MAJIN: variants seen among roughly 807,000 people sequenced by gnomAD.
MAJIN encodes the protein membrane anchored junction protein, also known as membrane-anchored junction protein.
MAJIN carries 27 observed loss-of-function variants against 30.2 expected under a neutral mutation model. The ratio of observed to expected loss-of-function variants is 0.89; its 90% CI spans 0.66 to 1.23. The LOEUF is 1.23. Among genes scored for constraint, MAJIN ranks in the 50% most tolerant of loss-of-function variants. The pLI, the probability that MAJIN is intolerant of heterozygous loss-of-function variation, is 0.00. For missense variants in MAJIN, 253 were observed against 260.3 expected (o/e 0.97, Z 0.19); for synonymous variants, 78 against 91.6 (o/e 0.85, Z 0.85).
At chr11:64,944,942 T>C (rs1590691309) in intron 8 of MAJIN, among the ~76,000 whole-genome samples, 1 of 152,164 alleles carries the variant, frequency 6.6e-6, no homozygotes, top group East Asian at 1.9e-4. Context: ...TATATGAATA[T>C]CTAAATGGGA....
chr11:64,954,140 A>T (rs1258113466), intron 4 of MAJIN: 1 of 157,590 alleles, frequency 6.3e-6, no homozygotes, highest in East Asian at 1.9e-4. Flanking sequence ...GCCAACGGTC[A>T]CACAGCTAAG....
intron 1 of MAJIN, among the ~76,000 whole-genome samples, chr11:64,961,452 C>T (rs1052732636): frequency 6.7e-6 from 1 of 149,020 alleles, no homozygotes; most frequent in African/African-American, 2.5e-5. Flanking sequence ...CAGGCATGAC[C>T]CACTGTGCCC....
intron 6 of MAJIN, among the ~76,000 whole-genome samples, chr11:64,948,925 A>G (rs1590695003): frequency 6.8e-6 from 1 of 147,816 alleles, no homozygotes; most frequent in South Asian, 2.3e-4. Flanking sequence ...AAGTACTGGG[A>G]TTACAGGCAT....
intron 3 of MAJIN, among the ~76,000 whole-genome samples, chr11:64,956,444 G>A (rs1282140265): frequency 6.6e-6 from 1 of 152,014 alleles, no homozygotes; most frequent in Non-Finnish European, 1.5e-5. Flanking sequence ...AGCCAAGATC[G>A]CACCATTGCA....
At chr11:64,954,249 T>C (rs1945597558) in intron 4 of MAJIN, 1 of 235,436 alleles carries the variant, frequency 4.2e-6, no homozygotes, top group Admixed American at 5.2e-5. Flanking sequence ...ACCTGCTCAG[T>C]CTTCTTCTGT....
At chr11:64,950,468 G>T in intron 4 of MAJIN, 38 bp from the exon 5 acceptor site, 1 of 1,559,234 alleles carries the variant, frequency 6.4e-7, no homozygotes, top group Non-Finnish European at 8.8e-7. Context: ...ACACTGTTGA[G>T]TCTCAGCCAG....
Position 64,949,847 on chromosome 11 carries a change from A to T in MAJIN, c.245T>A (p.Val82Asp). 6.2e-7 allele frequency: 1 copy of T among 1,605,710 alleles called. No homozygotes were observed. Among genetic ancestry groups the T allele is most frequent in the South Asian group, 1.1e-5 (1 of 91,064 alleles). ...VFPYKSKWER[V>D]SHLKFKHGEI... ...CCCATGTTTGAATTTCAGGTGGGAA[A>T]CTCTCTCCCATTTGCTTTTATCTGG... The change falls in exon 6 of 11, where the codon GTT becomes GAT. Residue 82 changes from valine (V) to aspartate (D), a missense_variant. Transcript: ENST00000301896.
chr11:64,970,062 G>A (rs1331821211), intron 1 of MAJIN, among the ~76,000 whole-genome samples: 4 of 152,006 alleles, frequency 2.6e-5, no homozygotes, highest in Non-Finnish European at 5.9e-5. Flanking sequence ...AGGAACTAGA[G>A]TTCAAAAAAG....
rs1208740100 is a variant in MAJIN, at chr11:64,950,319, G to A, written c.223+36C>T. 5.2e-6 allele frequency: 7 copies of A among 1,351,628 alleles called. No homozygotes were observed. In the South Asian group the frequency reaches 7.6e-5, roughly 15 times the overall value. The allele number at this position is 1,351,628 out of a possible 1,614,324, so 83.7% of individuals were successfully genotyped here. ...CACTCCAGCCTGGGTGACAGAGCAA[G>A]ACTCCATCTCAAAAAAAAAAAAAAA... On this transcript the variant is annotated intron_variant, in intron 5 of 10. Transcript: ENST00000301896.
intron 8 of MAJIN, among the ~76,000 whole-genome samples, chr11:64,943,206 CA>C (rs1945404366): frequency 6.6e-6 from 1 of 152,148 alleles, no homozygotes; most frequent in South Asian, 2.1e-4. Flanking sequence ...AGCAAAACAA[CA>C]ACAACAACAA....
At chr11:64,938,971 C>T (rs1945330167) in intron 10 of MAJIN, among the ~76,000 whole-genome samples, 1 of 152,176 alleles carries the variant, frequency 6.6e-6, no homozygotes, top group African/African-American at 2.4e-5. Flanking sequence ...GCTCTGTTGT[C>T]CAGGCTGGAG....
intron 3 of MAJIN, among the ~76,000 whole-genome samples, chr11:64,955,665 C>T (rs376396678): frequency 7.2e-5 from 11 of 152,172 alleles, no homozygotes; most frequent in Admixed American, 6.5e-4. Flanking sequence ...TTTGGGCTTT[C>T]AAGTGAAAAT....
chr11:64,968,904 G>A (rs1945853626), intron 1 of MAJIN, among the ~76,000 whole-genome samples: 1 of 152,038 alleles, frequency 6.6e-6, no homozygotes, highest in Non-Finnish European at 1.5e-5. Context: ...CTGAAAGGAA[G>A]ATGAACTGTA....
At position 64,967,351 on chromosome 11, in the gene MAJIN, AG is replaced by A. The variant is rs1945827925; in HGVS notation, c.-65+4525del. On this transcript the variant is annotated intron_variant, in intron 1 of 10. Coordinates refer to ENST00000301896, the MANE Select transcript of MAJIN (RefSeq NM_001037225.3). ...AACTCAGGAAGCAGAGGGTGCAATG[AG>A]CCGAGATGATACCATTGCACTCCAG... 3.3e-5 allele frequency among the ~76,000 whole-genome samples: 5 copies of A among 152,264 alleles called. No individual in the cohort carries two copies. In the South Asian group the frequency reaches 1.0e-3, roughly 32 times the overall value.
chr11:64,946,056 C>T (rs1158525461), intron 8 of MAJIN: 1 of 1,507,438 alleles, frequency 6.6e-7, no homozygotes, highest in Admixed American at 2.1e-5. Flanking sequence ...TTGAAGGCTC[C>T]ATTTTAGTAC....
At chr11:64,945,095 C>T (rs79288419) in intron 8 of MAJIN, among the ~76,000 whole-genome samples, 32 of 152,282 alleles carry the variant, frequency 2.1e-4, no homozygotes, top group Non-Finnish European at 2.4e-4. Flanking sequence ...CGGTGGCTCA[C>T]GCCTGTAATC....
At chr11:64,945,313 G>A (rs1018432508) in intron 8 of MAJIN, among the ~76,000 whole-genome samples, 6 of 151,822 alleles carry the variant, frequency 4.0e-5, no homozygotes, top group Non-Finnish European at 5.9e-5. Context: ...AGCCGAGATC[G>A]CACCACTGCA....
rs571182441 is a variant in MAJIN, at chr11:64,959,523, T to C, written c.-17-101A>G. 5 of 834,682 alleles carry C rather than the reference T, an allele frequency of 6.0e-6. No homozygotes were observed. In the Admixed American group the frequency reaches 1.1e-4, roughly 19 times the overall value. The allele number at this position is 834,682 out of a possible 1,614,324, so 51.7% of individuals were successfully genotyped here. A position where few individuals can be genotyped will look rare whatever the true frequency, so the allele number is the denominator to read the frequency against. Reference sequence around the variant, plus strand: ...CTGTAACATCTCTTCATGAGTAAAATGTCCAACACTAAGCACTACTGCCTA... The same window carrying C: ...CTGTAACATCTCTTCATGAGTAAAACGTCCAACACTAAGCACTACTGCCTA... On this transcript the variant is annotated intron_variant, in intron 2 of 10. Transcript: ENST00000301896.
chr11:64,958,149 G>C (rs906679169), intron 3 of MAJIN, among the ~76,000 whole-genome samples: 3 of 149,940 alleles, frequency 2.0e-5, no homozygotes, highest in Non-Finnish European at 4.4e-5. Flanking sequence ...CACCATGTTG[G>C]CCAGGCTGGT....
Sources: gnomAD v4.1 joint callset for allele counts (sites outside exome capture counted in the v4.1 genomes callset) on GRCh38, gnomAD v4.1.1 for gene constraint, MANE v1.5 for transcripts, NCBI Gene and HGNC (gene_info 2026-07-23, HGNC 2026-07-21) for gene names.